The following LDLRAD3 variants were observed in gnomAD, a reference collection of about 807,000 sequenced individuals.
The protein encoded by LDLRAD3 is low density lipoprotein receptor class A domain containing 3.
LDLRAD3 carries 20 observed loss-of-function variants against 29.4 expected under a neutral mutation model. That is an observed-to-expected ratio of 0.68 (90% CI 0.48 to 0.99). The LOEUF (loss-of-function observed/expected upper bound fraction) is 0.99, where lower values mean the gene tolerates loss of function less well. LDLRAD3 is among the 50% of genes least tolerant of loss of function. LDLRAD3 has a pLI of 0.00. For missense variants in LDLRAD3, 420 were observed against 454.3 expected, an observed-to-expected ratio of 0.92 and a Z score of 0.69; for synonymous variants, 157 against 192.7, an observed-to-expected ratio of 0.81 and a Z score of 1.53.
chr11:36,168,183 T>C (rs879703757), intron 4 of LDLRAD3, among the ~76,000 whole-genome samples: 50 of 152,330 alleles, frequency 3.3e-4, no homozygotes, highest in Non-Finnish European at 6.3e-4. Context: ...CTGTCTGCCA[T>C]AAGTAATGTA....
intron 1 of LDLRAD3, among the ~76,000 whole-genome samples, chr11:36,005,167 C>T (rs183956633): frequency 1.2e-4 from 19 of 152,194 alleles, no homozygotes; most frequent in Non-Finnish European, 1.2e-4. Context: ...ACCACATGGC[C>T]GGGCTGCACA....
intron 4 of LDLRAD3, among the ~76,000 whole-genome samples, chr11:36,116,434 G>A (rs1428928677): frequency 5.9e-5 from 9 of 152,062 alleles, no homozygotes; most frequent in African/African-American, 1.9e-4. Flanking sequence ...CCAGGAAGGC[G>A]GGGATGGGGG....
chr11:35,947,290 C>G (rs1276926588), intron 1 of LDLRAD3, among the ~76,000 whole-genome samples: 2 of 152,056 alleles, frequency 1.3e-5, no homozygotes, highest in African/African-American at 4.8e-5. Flanking sequence ...GTGTGGATCG[C>G]TTGAGGTCAG....
chr11:36,093,351 C>G (rs1055032176), intron 3 of LDLRAD3, among the ~76,000 whole-genome samples: 1 of 152,078 alleles, frequency 6.6e-6, no homozygotes, highest in African/African-American at 2.4e-5. Flanking sequence ...AAATCTCAGC[C>G]ATACGTCTTT....
In LDLRAD3 at chr11:36,213,993, A is replaced by G. The variant is rs1590361572; in HGVS notation, c.455-13092A>G. Among the ~76,000 whole-genome samples, 3 of 152,286 alleles carry G rather than the reference A, an allele frequency of 2.0e-5. No homozygotes were observed. Among genetic ancestry groups the G allele is most frequent in the East Asian group, 3.9e-4 (2 of 5,174 alleles). On this transcript the variant is annotated intron_variant, in intron 4 of 5. Coordinates refer to ENST00000315571, the MANE Select transcript of LDLRAD3 (RefSeq NM_174902.4). The surrounding 1 kb of genome is among the most constrained non-coding windows in gnomAD (Gnocchi z 4.1). ...TTAAAACAGTCTTCAGTGTTCATCT[A>G]AACTTTGTGGCAGGTACAAGTTGTT...
At chr11:36,124,156 C>T (rs1187842707) in intron 4 of LDLRAD3, among the ~76,000 whole-genome samples, 1 of 152,226 alleles carries the variant, frequency 6.6e-6, no homozygotes, top group Non-Finnish European at 1.5e-5. Flanking sequence ...TATCTGGTGC[C>T]TGTCACCGTA....
At chr11:35,949,616 A>G (rs1851105835) in intron 1 of LDLRAD3, among the ~76,000 whole-genome samples, 1 of 152,160 alleles carries the variant, frequency 6.6e-6, no homozygotes, top group African/African-American at 2.4e-5. Context: ...TTCATCGTAC[A>G]CTTTTTTCTC....
rs114665841 is a variant in LDLRAD3 at position 36,175,611 on chromosome 11, A to G, written c.455-51474A>G. ...GATTATTTAATTTCTATGTATTTGC[A>G]TGGTTTTAAGGGTTCCTTTTGGAGT... On this transcript the variant is annotated intron_variant, in intron 4 of 5. Transcript: ENST00000315571. 2.9e-3 allele frequency among the ~76,000 whole-genome samples: 439 copies of G among 152,250 alleles called. 1 individual carries two copies. The highest frequency in any genetic ancestry group is 0.01 in the African/African-American group (421 of 41,548).
intron 1 of LDLRAD3, among the ~76,000 whole-genome samples, chr11:36,012,617 C>G (rs1851970430): frequency 6.6e-6 from 1 of 152,050 alleles, no homozygotes; most frequent in Non-Finnish European, 1.5e-5. Flanking sequence ...ATAGTGTAGA[C>G]AGTGTGTGTA....
intron 4 of LDLRAD3, among the ~76,000 whole-genome samples, chr11:36,139,674 T>A (rs999244260): frequency 7.9e-5 from 12 of 152,176 alleles, no homozygotes; most frequent in Non-Finnish European, 1.8e-4. Context: ...CGCTTCCCCA[T>A]AAACCACCAA....
At chr11:36,127,761 C>T (rs971321910) in intron 4 of LDLRAD3, among the ~76,000 whole-genome samples, 1 of 152,078 alleles carries the variant, frequency 6.6e-6, no homozygotes, top group East Asian at 1.9e-4. Flanking sequence ...TGTAAGGGCT[C>T]AGAGAGGTTA....
chr11:36,012,584 G>A (rs747201164), intron 1 of LDLRAD3, among the ~76,000 whole-genome samples: 9 of 152,116 alleles, frequency 5.9e-5, no homozygotes, highest in Non-Finnish European at 1.3e-4. Context: ...AACTGAGACC[G>A]TTCTTAAGTG....
At chr11:35,990,861 A>G (rs896466487) in intron 1 of LDLRAD3, among the ~76,000 whole-genome samples, 2 of 152,116 alleles carry the variant, frequency 1.3e-5, no homozygotes, top group African/African-American at 2.4e-5. Context: ...TCTTTTTCCA[A>G]TTGAGGTCAC....
intron 1 of LDLRAD3, among the ~76,000 whole-genome samples, chr11:35,988,495 T>C (rs1851642525): frequency 6.6e-6 from 1 of 152,226 alleles, no homozygotes. Flanking sequence ...AGTTTGTGAA[T>C]ATTTTCTCTC....
intron 4 of LDLRAD3, among the ~76,000 whole-genome samples, chr11:36,142,990 AC>A (rs1050192586): frequency 6.6e-6 from 1 of 152,230 alleles, no homozygotes; most frequent in African/African-American, 2.4e-5. Context: ...AAATTGGTGA[AC>A]CTTTTCATTA....
chr11:36,036,022 C>T, intron 1 of LDLRAD3, 81 bp from the exon 2 acceptor site: 2 of 1,454,618 alleles, frequency 1.4e-6, no homozygotes, highest in Non-Finnish European at 1.9e-6. Context: ...TCACCTATAC[C>T]AAACCACACA....
At chr11:36,025,321 G>T (rs969892556) in intron 1 of LDLRAD3, among the ~76,000 whole-genome samples, 1 of 151,716 alleles carries the variant, frequency 6.6e-6, no homozygotes, top group Admixed American at 6.6e-5. Context: ...ACCAAGAATA[G>T]CACAAATCCC....
chr11:36,118,353 T>G (rs1159059897), intron 4 of LDLRAD3, among the ~76,000 whole-genome samples: 1 of 152,140 alleles, frequency 6.6e-6, no homozygotes, highest in Non-Finnish European at 1.5e-5. Context: ...GTTTTCATCA[T>G]GCTCCTTGTT....
At chr11:36,100,298 C>T (rs1853426868) in intron 4 of LDLRAD3, among the ~76,000 whole-genome samples, 1 of 152,184 alleles carries the variant, frequency 6.6e-6, no homozygotes, top group African/African-American at 2.4e-5. Context: ...CTGGCCTTTA[C>T]ACAAGATCAA....
Sources: allele counts gnomAD v4.1 joint callset (sites outside exome capture counted in the v4.1 genomes callset), GRCh38; gene constraint gnomAD v4.1.1; non-coding constraint Gnocchi (gnomAD v3.1); transcripts MANE v1.5; gene names NCBI Gene and HGNC (gene_info 2026-07-23, HGNC 2026-07-21).